Variants in PHACTR3 observed in about 807,000 individuals in gnomAD.
PHACTR3 encodes the protein phosphatase and actin regulator 3.
In PHACTR3, 16 loss-of-function variants were observed where a neutral mutation model predicts 66.8. The ratio of observed to expected loss-of-function variants is 0.24; its 90% CI spans 0.16 to 0.36. The LOEUF is 0.36. Among genes scored for constraint, PHACTR3 ranks in the 10% least tolerant of loss-of-function variants. The probability of loss-of-function intolerance (pLI) is 1.00; values close to 1 mark genes in which losing one functional copy is unlikely to be tolerated. For synonymous variants in PHACTR3, 323 were observed against 292.1 expected, an observed-to-expected ratio of 1.11 and a Z score of -1.08; for missense variants, 647 against 719.9, an observed-to-expected ratio of 0.90 and a Z score of 1.16.
intron 3 of PHACTR3, among the ~76,000 whole-genome samples, chr20:59,754,555 T>C (rs1445448510): frequency 6.6e-6 from 1 of 152,230 alleles, no homozygotes; most frequent in Non-Finnish European, 1.5e-5. Flanking sequence ...AGTAAACACC[T>C]GTTTAATGCC....
chr20:59,651,863 AGGT>A (rs1568960682), intron 1 of PHACTR3, among the ~76,000 whole-genome samples: 3 of 144,488 alleles, frequency 2.1e-5, no homozygotes, highest in African/African-American at 7.8e-5. Context: ...GTAGGTAGGT[AGGT>A]AGGTAGGTAG....
At chr20:59,628,730 G>C in intron 1 of PHACTR3, 1 of 985,544 alleles carries the variant, frequency 1.0e-6, no homozygotes, top group Non-Finnish European at 1.2e-6. Context: ...CTACTAGGTG[G>C]GCCAGAGAAG....
chr20:59,845,172 T>A lies in PHACTR3; in HGVS notation c.1588-17T>A. ...TTTTAATATCCTGTAAAACAATGTCTTGTTTTTAAATTTCAGGCAGCAATT... is the reference window on the plus strand; with the variant it reads ...TTTTAATATCCTGTAAAACAATGTCATGTTTTTAAATTTCAGGCAGCAATT... On this transcript the variant is annotated splice_polypyrimidine_tract_variant and intron_variant, in intron 11 of 12. Coordinates refer to ENST00000371015, the MANE Select transcript of PHACTR3 (RefSeq NM_080672.5). 1.3e-6 allele frequency: 2 copies of A among 1,513,936 alleles called. No individual in the cohort carries two copies. Among genetic ancestry groups the A allele is most frequent in the Non-Finnish European group, 1.8e-6 (2 of 1,092,004 alleles). The allele number at this position is 1,513,936 out of a possible 1,614,324, so 93.8% of individuals were successfully genotyped here. A position where few individuals can be genotyped will look rare whatever the true frequency, so the allele number is the denominator to read the frequency against.
intron 1 of PHACTR3, among the ~76,000 whole-genome samples, chr20:59,613,575 TG>T (rs1369282099): frequency 1.3e-5 from 2 of 152,214 alleles, no homozygotes; most frequent in African/African-American, 4.8e-5. Flanking sequence ...ATAGGTGTAT[TG>T]CTACTCTAAC....
At chr20:59,727,465 C>A (rs2038608866) in intron 1 of PHACTR3, among the ~76,000 whole-genome samples, 1 of 152,142 alleles carries the variant, frequency 6.6e-6, no homozygotes, top group African/African-American at 2.4e-5. Context: ...GATGGGGGAA[C>A]TACTGGGTTG....
At chr20:59,578,251 G>C (rs528330437) in intron 1 of PHACTR3, among the ~76,000 whole-genome samples, 4 of 152,232 alleles carry the variant, frequency 2.6e-5, no homozygotes, top group Non-Finnish European at 5.9e-5. Flanking sequence ...AGTTGAGGAC[G>C]GGGAGTGGCC....
chr20:59,587,530 G>A (rs1432199564), intron 1 of PHACTR3, among the ~76,000 whole-genome samples: 1 of 152,224 alleles, frequency 6.6e-6, no homozygotes, highest in African/African-American at 2.4e-5. Flanking sequence ...AGCAGCTAAA[G>A]CATCACCGAT....
intron 1 of PHACTR3, among the ~76,000 whole-genome samples, chr20:59,694,305 C>G (rs2037216566): frequency 6.6e-6 from 1 of 152,098 alleles, no homozygotes; most frequent in South Asian, 2.1e-4. Context: ...CTGCTTGTCA[C>G]ACAGGGATCA....
chr20:59,645,578 C>T (rs2035254979), intron 1 of PHACTR3, among the ~76,000 whole-genome samples: 1 of 152,148 alleles, frequency 6.6e-6, no homozygotes, highest in Non-Finnish European at 1.5e-5. Flanking sequence ...TCTGAGCGTG[C>T]TCATCACCAT....
intron 1 of PHACTR3, among the ~76,000 whole-genome samples, chr20:59,679,733 G>A (rs552874159): frequency 6.6e-6 from 1 of 152,256 alleles, no homozygotes; most frequent in South Asian, 2.1e-4. Context: ...TGTCTTACGT[G>A]GCAGCAGACA....
chr20:59,658,015 C>T (rs2035679412), intron 1 of PHACTR3, among the ~76,000 whole-genome samples: 1 of 152,124 alleles, frequency 6.6e-6, no homozygotes, highest in Admixed American at 6.5e-5. Flanking sequence ...TCCCTCTGCT[C>T]TTCAGATTGA....
At chr20:59,655,564 AAG>A (rs1255754068) in intron 1 of PHACTR3, among the ~76,000 whole-genome samples, 7 of 151,906 alleles carry the variant, frequency 4.6e-5, no homozygotes, top group African/African-American at 1.7e-4. Flanking sequence ...AGTCTAGCTA[AAG>A]ATTTATAAGT....
intron 8 of PHACTR3, among the ~76,000 whole-genome samples, chr20:59,812,462 T>A (rs1261449729): frequency 1.3e-5 from 2 of 152,160 alleles, no homozygotes; most frequent in African/African-American, 4.8e-5. Flanking sequence ...GGACACAGCG[T>A]GCAGCGAGTT....
intron 7 of PHACTR3, among the ~76,000 whole-genome samples, chr20:59,805,233 G>A (rs1174942996): frequency 3.9e-5 from 6 of 152,166 alleles, no homozygotes; most frequent in African/African-American, 4.8e-5. Flanking sequence ...CTCTCATGCT[G>A]TTAACTTCAC....
intron 1 of PHACTR3, among the ~76,000 whole-genome samples, chr20:59,610,371 A>G (rs2033810873): frequency 6.6e-6 from 1 of 152,216 alleles, no homozygotes; most frequent in Non-Finnish European, 1.5e-5. Flanking sequence ...AGCTGTCAGC[A>G]TTGGAACAAC....
intron 1 of PHACTR3, among the ~76,000 whole-genome samples, chr20:59,595,185 G>C (rs1010744421): frequency 1.3e-5 from 2 of 152,042 alleles, no homozygotes; most frequent in African/African-American, 4.8e-5. Flanking sequence ...TTAATGTGCC[G>C]GGCGTGGTGG....
exon 1 of PHACTR3, chr20:59,577,581 C>G: frequency 3.3e-6 from 4 of 1,208,436 alleles, no homozygotes; most frequent in Non-Finnish European, 4.1e-6. Context: ...CTTCGGGGCC[C>G]GGGACGCTGC....
At chr20:59,714,083 A>T (rs2038004829) in intron 1 of PHACTR3, among the ~76,000 whole-genome samples, 1 of 152,122 alleles carries the variant, frequency 6.6e-6, no homozygotes, top group Non-Finnish European at 1.5e-5. Flanking sequence ...GTTTTTTGAA[A>T]GTTTTAAAAA....
intron 8 of PHACTR3, among the ~76,000 whole-genome samples, chr20:59,826,755 G>A (rs925392735): frequency 1.2e-4 from 18 of 152,032 alleles, no homozygotes; most frequent in Admixed American, 5.2e-4. Context: ...TGCAGGGTGC[G>A]TCTCTCCCTC....
Sources: gnomAD v4.1 joint callset for allele counts (sites outside exome capture counted in the v4.1 genomes callset) on GRCh38, gnomAD v4.1.1 for gene constraint, MANE v1.5 for transcripts, NCBI Gene and HGNC (gene_info 2026-07-23, HGNC 2026-07-21) for gene names.